ABHD12: variants seen among roughly 807,000 people sequenced by gnomAD.
ABHD12 encodes the protein lysophosphatidylserine lipase ABHD12.
ABHD12 carries 43 observed loss-of-function variants against 58.3 expected under a neutral mutation model. The observed-to-expected ratio is 0.74, with a 90% CI of 0.58 to 0.95. The LOEUF is 0.95. Among genes scored for constraint, ABHD12 ranks in the 40% least tolerant of loss-of-function variants. The pLI is 0.00. For synonymous variants in ABHD12, 219 were observed against 211.2 expected, an observed-to-expected ratio of 1.04 and a Z score of -0.32; for missense variants, 539 against 537.2, an observed-to-expected ratio of 1.00 and a Z score of -0.03.
intron 2 of ABHD12, among the ~76,000 whole-genome samples, chr20:25,328,346 G>A (rs2089211244): frequency 1.3e-5 from 2 of 152,124 alleles, no homozygotes; most frequent in African/African-American, 2.4e-5. Context: ...TCTGACAGCT[G>A]GGAGCGGGGG....
At chr20:25,315,021 T>C (rs750215221) in intron 5 of ABHD12, 51 bp from the exon 6 acceptor site, 1 of 1,597,248 alleles carries the variant, frequency 6.3e-7, no homozygotes, top group Non-Finnish European at 8.6e-7. Context: ...GCATCTGTAT[T>C]GAGGGCAGCT....
At chr20:25,355,258 C>G (rs887420702) in intron 1 of ABHD12, among the ~76,000 whole-genome samples, 6 of 152,124 alleles carry the variant, frequency 3.9e-5, no homozygotes, top group Non-Finnish European at 8.8e-5. Context: ...AAGAGCACTT[C>G]CATTCCCTGC....
At position 25,339,153 on chromosome 20, in the gene ABHD12, C is replaced by G. The variant is rs1383433217; in HGVS notation, c.316+74G>C. The G allele has an allele frequency of 1.9e-6, 3 of 1,591,416 alleles. No homozygotes were observed. In the South Asian group the frequency reaches 3.3e-5, roughly 18 times the overall value. On this transcript the variant is annotated intron_variant, in intron 2 of 12. Coordinates refer to ENST00000339157, the MANE Select transcript of ABHD12 (RefSeq NM_001042472.3). ...AATCTCCATTAAAGTAAAAAGACTA[C>G]CCCTAAAATCAGACATCACCATGAA...
chr20:25,315,100 G>A, intron 5 of ABHD12, 130 bp from the exon 6 acceptor site: 1 of 943,118 alleles, frequency 1.1e-6, no homozygotes, highest in Non-Finnish European at 1.7e-6. Context: ...CATAAAGACT[G>A]TGACATGCTG....
At chr20:25,331,556 A>G (rs955231867) in intron 2 of ABHD12, among the ~76,000 whole-genome samples, 8 of 152,122 alleles carry the variant, frequency 5.3e-5, no homozygotes. Flanking sequence ...AGCAAGAGAG[A>G]AAGGTCAGGT....
At chr20:25,313,003 G>A (rs1304435761) in intron 6 of ABHD12, among the ~76,000 whole-genome samples, 2 of 149,170 alleles carry the variant, frequency 1.3e-5, no homozygotes, top group Non-Finnish European at 3.0e-5. Context: ...CCGTCTGGGA[G>A]GTGGGGGGCG....
chr20:25,296,732 G>A (rs1046319047), downstream of ABHD12: 6 of 669,062 alleles, frequency 9.0e-6, no homozygotes, highest in African/African-American at 1.8e-5. Context: ...TGTAAAGGAA[G>A]CCAGAGTTGA....
chr20:25,351,840 G>A (rs2089604196), intron 1 of ABHD12, among the ~76,000 whole-genome samples: 2 of 152,078 alleles, frequency 1.3e-5, no homozygotes, highest in Admixed American at 6.5e-5. Flanking sequence ...GGTGGAGGTT[G>A]AGGTGAGCTG....
At chr20:25,327,390 C>T (rs2089194290) in intron 2 of ABHD12, among the ~76,000 whole-genome samples, 1 of 151,812 alleles carries the variant, frequency 6.6e-6, no homozygotes, top group Non-Finnish European at 1.5e-5. Flanking sequence ...TTGCTTGAAC[C>T]CGGGAGTCAG....
At chr20:25,341,264 C>A (rs771005897) in intron 1 of ABHD12, among the ~76,000 whole-genome samples, 2 of 152,210 alleles carry the variant, frequency 1.3e-5, no homozygotes, top group Non-Finnish European at 2.9e-5. Context: ...GCTGGGGATA[C>A]TGCTGCTGGG....
chr20:25,308,077 G>T, intron 8 of ABHD12, 32 bp from the exon 9 acceptor site: 1 of 1,450,418 alleles, frequency 6.9e-7, no homozygotes, highest in Non-Finnish European at 9.7e-7. Flanking sequence ...TGAGAGGTAG[G>T]CAGGAAGCCA....
At chr20:25,361,211 T>G (rs2089742484) in intron 1 of ABHD12, among the ~76,000 whole-genome samples, 1 of 152,242 alleles carries the variant, frequency 6.6e-6, no homozygotes, top group African/African-American at 2.4e-5. Context: ...CCCTGCACTC[T>G]GACTTCCCTA....
intron 2 of ABHD12, among the ~76,000 whole-genome samples, chr20:25,324,162 T>C (rs1376764795): frequency 2.0e-5 from 3 of 152,112 alleles, no homozygotes; most frequent in African/African-American, 4.8e-5. Flanking sequence ...ATGGGGCCCT[T>C]AGACCTGGAG....
chr20:25,331,837 G>A (rs1421669296), intron 2 of ABHD12, among the ~76,000 whole-genome samples: 5 of 152,082 alleles, frequency 3.3e-5, no homozygotes, highest in African/African-American at 4.8e-5. Context: ...ACCGGTACCA[G>A]CCACTGCAAA....
chr20:25,344,099 A>G lies in ABHD12; in HGVS notation c.192-4748T>C, dbSNP rs181001026. ...CATGATTAAAAAGCCTCAGCACACT[A>G]GGAATAAAGGGGAACTTCCTCAACT... is the stretch of plus-strand genomic sequence containing the variant. On this transcript the variant is annotated intron_variant, in intron 1 of 12. Transcript: ENST00000339157. 9.2e-5 allele frequency among the ~76,000 whole-genome samples: 14 copies of G among 152,360 alleles called. No individual in the cohort carries two copies. The East Asian group carries it at 1.7e-3, about 19-fold the overall frequency.
At chr20:25,387,321 G>T (rs904483719) in intron 1 of ABHD12, among the ~76,000 whole-genome samples, 1 of 152,156 alleles carries the variant, frequency 6.6e-6, no homozygotes, top group Admixed American at 6.6e-5. Context: ...AACACTTTGG[G>T]AGGCCGTGAC....
intron 6 of ABHD12, among the ~76,000 whole-genome samples, chr20:25,314,355 C>A (rs936325858): frequency 6.6e-6 from 1 of 152,084 alleles, no homozygotes; most frequent in Non-Finnish European, 1.5e-5. Flanking sequence ...TCCAGCTCTG[C>A]AGTCTAAAAA....
At chr20:25,326,334 A>G (rs2089177250) in intron 2 of ABHD12, among the ~76,000 whole-genome samples, 1 of 152,224 alleles carries the variant, frequency 6.6e-6, no homozygotes, top group Non-Finnish European at 1.5e-5. Flanking sequence ...TATAGCGCCA[A>G]TAAAAGCCCC....
chr20:25,378,938 G>A (rs1367257509), intron 1 of ABHD12, among the ~76,000 whole-genome samples: 1 of 151,848 alleles, frequency 6.6e-6, no homozygotes, highest in Non-Finnish European at 1.5e-5. Flanking sequence ...ACAAGTGAAT[G>A]AGGCAACTCA....
Sources: gnomAD v4.1 joint callset for allele counts (sites outside exome capture counted in the v4.1 genomes callset) on GRCh38, gnomAD v4.1.1 for gene constraint, MANE v1.5 for transcripts, NCBI Gene and HGNC (gene_info 2026-07-23, HGNC 2026-07-21) for gene names.